SHROOM3: variants seen among roughly 807,000 people sequenced by gnomAD.
SHROOM3 encodes shroom family member 3.
A neutral mutation model predicts 138.6 loss-of-function variants in SHROOM3; 47 were observed. The observed-to-expected ratio is 0.34, with a 90% CI of 0.27 to 0.43. The LOEUF (loss-of-function observed/expected upper bound fraction) is 0.43, where lower values mean the gene tolerates loss of function less well. SHROOM3 is among the 20% of genes least tolerant of loss of function. SHROOM3 has a pLI of 1.00. For missense variants in SHROOM3, 2,491 were observed against 2,596.5 expected (o/e 0.96, Z 0.88); for synonymous variants, 1,062 against 1,063.3 (o/e 1.00, Z 0.02).
intron 2 of SHROOM3, chr4:76,586,064 G>A (rs1186791405): frequency 1.2e-5 from 2 of 170,184 alleles, no homozygotes; most frequent in African/African-American, 4.8e-5. Context: ...AAGTGGCGGC[G>A]GGAATGCACG....
chr4:76,470,872 TGA>T (rs1173525701), intron 1 of SHROOM3, among the ~76,000 whole-genome samples: 1 of 152,154 alleles, frequency 6.6e-6, no homozygotes, highest in Non-Finnish European at 1.5e-5. Flanking sequence ...GTGCCATAAA[TGA>T]GACAAATACC....
intron 2 of SHROOM3, among the ~76,000 whole-genome samples, chr4:76,686,352 T>C (rs1719338478): frequency 6.6e-6 from 1 of 152,138 alleles, no homozygotes; most frequent in African/African-American, 2.4e-5. Flanking sequence ...ATAACATATG[T>C]TACAAAACCA....
intron 3 of SHROOM3, among the ~76,000 whole-genome samples, chr4:76,727,261 A>G (rs937155828): frequency 3.3e-5 from 5 of 152,124 alleles, no homozygotes; most frequent in South Asian, 2.1e-4. Flanking sequence ...GGCTTTTGCT[A>G]TGTGATTAAG....
At chr4:76,458,646 A>G (rs1233300855) in intron 1 of SHROOM3, among the ~76,000 whole-genome samples, 1 of 152,172 alleles carries the variant, frequency 6.6e-6, no homozygotes, top group South Asian at 2.1e-4. Flanking sequence ...CCAACTACAC[A>G]TATACTTTTA....
At chr4:76,690,706 A>G (rs1262744979) in intron 2 of SHROOM3, among the ~76,000 whole-genome samples, 1 of 151,444 alleles carries the variant, frequency 6.6e-6, no homozygotes, top group African/African-American at 2.4e-5. Context: ...TTTTTTTCTG[A>G]TTATAAAAAT....
chr4:76,759,685 A>G lies in SHROOM3; in HGVS notation c.5339A>G (p.Asn1780Ser), dbSNP rs372860442. 19 of 1,613,914 alleles carry G rather than the reference A, an allele frequency of 1.2e-5. No homozygotes were observed. The highest frequency in any genetic ancestry group is 1.6e-5 in the Non-Finnish European group (19 of 1,179,930). The part of the protein sequence containing the change: ...VNEEEEQADV[N>S]EKKAELIGSL... The stretch of plus-strand genomic sequence containing the variant: ...GAGGAAGAGGAACAGGCAGATGTCA[A>G]TGAAAAGAAGGTAAATAAAGAATGG... Residue 1780 changes from asparagine to serine, a missense_variant, in exon 9 of 11, where the codon AAT becomes AGT. Transcript: ENST00000296043.
intron 2 of SHROOM3, among the ~76,000 whole-genome samples, chr4:76,641,137 C>G (rs186229737): frequency 1.1e-4 from 16 of 152,184 alleles, no homozygotes; most frequent in African/African-American, 3.9e-4. Context: ...TAAAGTAAAG[C>G]CAATGTATTA....
chr4:76,501,587 A>G (rs1401085626), intron 1 of SHROOM3, among the ~76,000 whole-genome samples: 2 of 152,188 alleles, frequency 1.3e-5, no homozygotes, highest in Non-Finnish European at 1.5e-5. Context: ...GCTGGTCACC[A>G]TAAAGACTAA....
intron 3 of SHROOM3, 22 bp from the exon 4 acceptor site, chr4:76,730,782 G>A: frequency 6.2e-7 from 1 of 1,613,638 alleles, no homozygotes; most frequent in African/African-American, 1.3e-5. Context: ...AATGTTGGGG[G>A]GTCCCTCCTG....
chr4:76,748,837 T>TTA (rs1491244785), intron 5 of SHROOM3, among the ~76,000 whole-genome samples, 180 bp from the exon 6 acceptor site: 3 of 144,314 alleles, frequency 2.1e-5, no homozygotes, highest in Admixed American at 1.4e-4. Flanking sequence ...TTTTTTTTTT[T>TTA]AAATCTTCGG....
At chr4:76,488,233 T>A (rs923062342) in intron 1 of SHROOM3, among the ~76,000 whole-genome samples, 1 of 152,206 alleles carries the variant, frequency 6.6e-6, no homozygotes, top group Non-Finnish European at 1.5e-5. Flanking sequence ...AAGATTTTTT[T>A]AAATAGACCA....
At chr4:76,618,645 T>C (rs1474181681) in intron 2 of SHROOM3, among the ~76,000 whole-genome samples, 1 of 152,226 alleles carries the variant, frequency 6.6e-6, no homozygotes, top group African/African-American at 2.4e-5. Flanking sequence ...TAAGTTAGAG[T>C]ATGGCCCTTT....
chr4:76,608,648 T>TAGCATAGCATAGCAC (rs1734686683), intron 2 of SHROOM3, among the ~76,000 whole-genome samples: 1 of 20,040 alleles, frequency 5.0e-5, no homozygotes, highest in Non-Finnish European at 2.5e-4. Context: ...TAGCATAGCA[T>TAGCATAGCATAGCAC]AGCATAGCAT....
chr4:76,749,081 C>T lies in SHROOM3; in HGVS notation c.3818C>T (p.Pro1273Leu), dbSNP rs781765808. Residue 1273 changes from proline to leucine, a missense_variant, in exon 6 of 11, where the codon CCT becomes CTT. This residue lies in a region of SHROOM3 where 1,733 missense variants were observed against 1,661.6 expected (regional missense o/e 1.04). Coordinates refer to ENST00000296043, the MANE Select transcript of SHROOM3 (RefSeq NM_020859.4). ...LVKDPCYLAG[P>L]GSRSLSCSER... is the part of the protein sequence containing the mutation. Reference sequence around the variant, plus strand: ...AAGGATCCATGTTATTTGGCTGGTCCTGGATCTAGGTATGTACATGTACTT... The same window carrying T: ...AAGGATCCATGTTATTTGGCTGGTCTTGGATCTAGGTATGTACATGTACTT... The T allele has an allele frequency of 1.2e-6, 2 of 1,613,904 alleles. No homozygotes were observed. The highest frequency in any genetic ancestry group is 2.2e-5 in the South Asian group (2 of 91,072).
intron 1 of SHROOM3, among the ~76,000 whole-genome samples, chr4:76,535,652 G>A (rs4563521): frequency 0.76 from 115,306 of 152,168 alleles, 44,527 homozygotes; most frequent in East Asian, 0.94. Context: ...TCATGTTTAT[G>A]GAAAACCAGC....
chr4:76,640,216 C>T (rs1735626206), intron 2 of SHROOM3, among the ~76,000 whole-genome samples: 1 of 152,124 alleles, frequency 6.6e-6, no homozygotes, highest in Non-Finnish European at 1.5e-5. Flanking sequence ...GTGTGTGTGT[C>T]TACGTGTGTC....
Position 76,779,013 on chromosome 4 carries a change from A to G in SHROOM3, c.5827A>G (p.Lys1943Glu). Residue 1943 changes from lysine to glutamate, a missense_variant, in exon 11 of 11, where the codon AAG becomes GAG. Physicochemically the swap from Lys to Glu is moderately conservative, Grantham distance 56. Transcript: ENST00000296043. ...GCAACGGAAGCTGGATGACAAGATC[A>G]AGCTGGGCCAGGAGCAGGTCAAGTG... is the stretch of plus-strand genomic sequence containing the variant. The part of the protein sequence containing the change: ...IEQRKLDDKI[K>E]LGQEQVKCLL... 1 of 1,614,162 alleles carries G rather than the reference A, an allele frequency of 6.2e-7. No individual in the cohort carries two copies. Among genetic ancestry groups the G allele is most frequent in the Non-Finnish European group, 8.5e-7 (1 of 1,179,984 alleles).
intron 2 of SHROOM3, among the ~76,000 whole-genome samples, chr4:76,671,095 A>C (rs971195720): frequency 6.6e-6 from 1 of 152,216 alleles, no homozygotes; most frequent in Non-Finnish European, 1.5e-5. Context: ...TTTGTTCAAC[A>C]AACATTTGAC....
Position 76,738,917 on chromosome 4 carries a change from G to A in SHROOM3, c.744G>A (p.Gln248=), listed in dbSNP as rs1721160154. 5 of 1,614,228 alleles carry A rather than the reference G, an allele frequency of 3.1e-6. No individual in the cohort carries two copies. In the East Asian group the frequency reaches 1.1e-4, roughly 36 times the overall value. Residue 248 remains glutamine, a synonymous_variant, in exon 5 of 11, where the codon CAG becomes CAA. Transcript: ENST00000296043. ...SPAKSTGSID[Q]LSHFHNKRDS... ...CCAAGTCCACCGGCAGCATTGACCAGCTCAGCCACTTCCATAACAAGAGAG... is the reference window on the plus strand; with the variant it reads ...CCAAGTCCACCGGCAGCATTGACCAACTCAGCCACTTCCATAACAAGAGAG...
Sources: allele counts gnomAD v4.1 joint callset (sites outside exome capture counted in the v4.1 genomes callset), GRCh38; gene constraint gnomAD v4.1.1; regional missense constraint gnomAD v4.1.1; transcripts MANE v1.5; gene names NCBI Gene and HGNC (gene_info 2026-07-23, HGNC 2026-07-21).